The following MIA2 variants were observed in gnomAD, a reference collection of about 807,000 sequenced individuals.
The protein encoded by MIA2 is MIA SH3 domain ER export factor 2, also known as melanoma inhibitory activity protein 2.
A neutral mutation model predicts 167.8 loss-of-function variants in MIA2; 127 were observed. The ratio of observed to expected loss-of-function variants is 0.76; its 90% confidence interval spans 0.66 to 0.88. MIA2 has a LOEUF of 0.88. Among genes scored for constraint, MIA2 ranks in the 40% least tolerant of loss-of-function variants. The pLI is 0.00. For synonymous variants in MIA2, 552 were observed against 541.9 expected, an observed-to-expected ratio of 1.02 and a Z score of -0.26; for missense variants, 1,690 against 1,624.7, an observed-to-expected ratio of 1.04 and a Z score of -0.69.
At chr14:39,316,330 A>G (rs564179669) in intron 21 of MIA2, among the ~76,000 whole-genome samples, 1 of 152,340 alleles carries the variant, frequency 6.6e-6, no homozygotes, top group South Asian at 2.1e-4. Flanking sequence ...ACTTGTCACT[A>G]GGAGTCTTCA....
In MIA2 at chr14:39,288,449, A is replaced by ATTTTTTTTTTTTT; in HGVS notation, c.2131-2569_2131-2568insTTTTTTTTTTTTT. 4.6e-4 allele frequency among the ~76,000 whole-genome samples: 2 copies of ATTTTTTTTTTTTT among 4,368 alleles called. 1 individual carries two copies. The highest frequency in any genetic ancestry group is 8.0e-3 in the East Asian group (2 of 250). 2.9% of individuals were successfully genotyped at this position (4,368 alleles called of 152,430 possible). A position where few individuals can be genotyped will look rare whatever the true frequency, so the allele number is the denominator to read the frequency against. On this transcript the variant is annotated intron_variant, in intron 9 of 28. Coordinates refer to ENST00000640607, the MANE Select transcript of MIA2 (RefSeq NM_001329214.4). Reference sequence around the variant, plus strand: ...ATATTATACATATATATATATATATATATATATATATATATATATATATAT... The same window carrying ATTTTTTTTTTTTT: ...ATATTATACATATATATATATATATATTTTTTTTTTTTTTATATATATATATATATATATATAT...
chr14:39,338,430 A>AT (rs556591596), intron 25 of MIA2, among the ~76,000 whole-genome samples: 11 of 152,148 alleles, frequency 7.2e-5, no homozygotes, highest in Middle Eastern at 3.4e-3. Flanking sequence ...ATATAATGTG[A>AT]TTTTTTTTCA....
chr14:39,328,170 G>GT (rs1431178379), intron 25 of MIA2, among the ~76,000 whole-genome samples: 1 of 152,128 alleles, frequency 6.6e-6, no homozygotes, highest in East Asian at 1.9e-4. Flanking sequence ...TCTGACTGGC[G>GT]TGAGATGGTA....
chr14:39,250,682 T>G (rs780926913), intron 4 of MIA2, among the ~76,000 whole-genome samples: 1 of 143,456 alleles, frequency 7.0e-6, no homozygotes, highest in Non-Finnish European at 1.5e-5. Context: ...GGCAATAGAG[T>G]GAGACTCAGT....
rs777080282 is a variant in MIA2, at chr14:39,304,372, G to A, written c.2869G>A (p.Glu957Lys). The A allele has an allele frequency of 1.9e-6, 3 of 1,557,832 alleles. No individual in the cohort carries two copies. Residue 957 changes from glutamate to lysine, a missense_variant, in exon 17 of 29, where the codon GAG becomes AAG. Transcript: ENST00000640607. ...GTCTGAAGTTGATAAAACAAAGGAA[G>A]AGCTTACAGGTAGGTCATTGACATA... is the stretch of plus-strand genomic sequence containing the variant. Reference protein sequence around the residue: ...QLSEVDKTKEELTEHIKNLQT... With the variant: ...QLSEVDKTKEKLTEHIKNLQT...
intron 6 of MIA2, chr14:39,265,910 A>G: frequency 2.2e-6 from 2 of 896,308 alleles, no homozygotes; most frequent in South Asian, 5.1e-5. Context: ...GAGAATTACT[A>G]AGCAATTTTG....
intron 7 of MIA2, among the ~76,000 whole-genome samples, chr14:39,278,945 G>A (rs1238349365): frequency 6.6e-6 from 1 of 152,154 alleles, no homozygotes; most frequent in Non-Finnish European, 1.5e-5. Flanking sequence ...TGGATCACCT[G>A]AGGTCAGGAG....
At chr14:39,364,916 G>A (rs937782054) in intron 23 of MIA2, among the ~76,000 whole-genome samples, 5 of 151,906 alleles carry the variant, frequency 3.3e-5, no homozygotes, top group African/African-American at 7.2e-5. Flanking sequence ...TGACTATAAT[G>A]TGCTGTGGAG....
At chr14:39,386,954 G>A (rs1187100567) in exon 24 of MIA2, 1 of 784,662 alleles carries the variant, frequency 1.3e-6, no homozygotes, top group Non-Finnish European at 2.2e-6. Context: ...CAGAAATGAA[G>A]CCGAAGCATT....
At chr14:39,288,839 G>A (rs1037178640) in intron 9 of MIA2, among the ~76,000 whole-genome samples, 4 of 151,992 alleles carry the variant, frequency 2.6e-5, no homozygotes, top group African/African-American at 9.7e-5. Context: ...TTGATGCATT[G>A]TTAATTTCAA....
intron 24 of MIA2, among the ~76,000 whole-genome samples, chr14:39,325,322 A>T (rs965731860): frequency 3.9e-5 from 6 of 152,002 alleles, no homozygotes; most frequent in African/African-American, 1.5e-4. Context: ...TTTCCCTCTC[A>T]ATGACAGATA....
chr14:39,294,184 A>C, intron 12 of MIA2, 113 bp downstream of exon 12: 1 of 674,000 alleles, frequency 1.5e-6, no homozygotes, highest in Admixed American at 3.1e-5. Flanking sequence ...GGGATCCCAG[A>C]TATGTATTTT....
chr14:39,235,074 C>T (rs550771843), intron 1 of MIA2, among the ~76,000 whole-genome samples: 2 of 150,964 alleles, frequency 1.3e-5, no homozygotes, highest in South Asian at 4.2e-4. Context: ...CTTGCTCTGT[C>T]ACCCAGGCTG....
intron 18 of MIA2, among the ~76,000 whole-genome samples, chr14:39,311,824 TTG>T (rs71435641): frequency 0.067 from 5,925 of 88,416 alleles, 413 homozygotes; most frequent in African/African-American, 0.19. Flanking sequence ...ATGATGGTTT[TTG>T]TGTGTGTGTG....
intron 25 of MIA2, among the ~76,000 whole-genome samples, chr14:39,336,816 G>A (rs766860538): frequency 2.6e-4 from 39 of 152,126 alleles, no homozygotes; most frequent in South Asian, 4.1e-4. Context: ...TGTGATTATA[G>A]CTCACTGTAG....
chr14:39,243,140 A>G (rs1018238052), intron 3 of MIA2, among the ~76,000 whole-genome samples: 3 of 149,956 alleles, frequency 2.0e-5, no homozygotes, highest in African/African-American at 7.4e-5. Context: ...AAAAAAAAAG[A>G]AGACAAAGAA....
Position 39,238,811 on chromosome 14 carries a change from A to AAAAAAAAAAAC in MIA2, c.250-1750_250-1749insAAAAAAAAAAC. ...CCTGTCTCAAAAAAAAAAAAAAAAA[A>AAAAAAAAAAAC]CCCAAAAAACAAAAAAACCTAGCTG... On this transcript the variant is annotated intron_variant, in intron 2 of 28. Coordinates refer to ENST00000640607, the MANE Select transcript of MIA2 (RefSeq NM_001329214.4). Among the ~76,000 whole-genome samples the AAAAAAAAAAAC allele has an allele frequency of 3.3e-3, 343 of 103,516 alleles. 21 individuals are homozygous for AAAAAAAAAAAC. The highest frequency in any genetic ancestry group is 5.9e-3 in the South Asian group (19 of 3,198). 67.9% of individuals were successfully genotyped at this position (103,516 alleles called of 152,430 possible). A position where few individuals can be genotyped will look rare whatever the true frequency, so the allele number is the denominator to read the frequency against.
At chr14:39,277,257 GGCTCCCACCTCT>G (rs1378830813) in intron 7 of MIA2, among the ~76,000 whole-genome samples, 192 bp downstream of exon 7, 1 of 151,760 alleles carries the variant, frequency 6.6e-6, no homozygotes, top group Non-Finnish European at 1.5e-5. Context: ...CCAGTGCTGT[GGCTCCCACCTCT>G]AATCCCAGCA....
chr14:39,341,689 A>G (rs1308967523), intron 25 of MIA2, among the ~76,000 whole-genome samples: 1 of 152,184 alleles, frequency 6.6e-6, no homozygotes, highest in Non-Finnish European at 1.5e-5. Context: ...TGCAGTAGCT[A>G]TTTAGGAGAG....
Sources: gnomAD v4.1 joint callset for allele counts (sites outside exome capture counted in the v4.1 genomes callset) on GRCh38, gnomAD v4.1.1 for gene constraint, MANE v1.5 for transcripts, NCBI Gene and HGNC (gene_info 2026-07-23, HGNC 2026-07-21) for gene names.